Variants in MTAP observed in about 807,000 individuals in gnomAD.
MTAP encodes the protein S-methyl-5'-thioadenosine phosphorylase.
In MTAP, 33 loss-of-function variants were observed where a neutral mutation model predicts 33.6. That is an observed-to-expected ratio of 0.98 (90% CI 0.74 to 1.31). The LOEUF (loss-of-function observed/expected upper bound fraction) is 1.31. Among genes scored for constraint, MTAP ranks in the 40% most tolerant of loss-of-function variants. The pLI is 0.00. For missense variants in MTAP, 367 were observed against 360.0 expected (o/e 1.02, Z -0.16); for synonymous variants, 148 against 125.7 (o/e 1.18, Z -1.19).
chr9:21,830,988 G>A (rs189455250), intron 4 of MTAP, among the ~76,000 whole-genome samples: 3 of 152,290 alleles, frequency 2.0e-5, no homozygotes, highest in East Asian at 1.9e-4. Flanking sequence ...AAGCAAGACT[G>A]TTTCCCTGCC....
chr9:21,884,282 G>A (rs1251386916), intron 1 of MTAP, among the ~76,000 whole-genome samples: 2 of 152,100 alleles, frequency 1.3e-5, no homozygotes, highest in African/African-American at 4.8e-5. Flanking sequence ...GGTCATAGAC[G>A]TTTTGTTTTA....
At chr9:21,924,857 T>C (rs1392316753) in intron 1 of MTAP, among the ~76,000 whole-genome samples, 1 of 152,216 alleles carries the variant, frequency 6.6e-6, no homozygotes, top group African/African-American at 2.4e-5. Context: ...AAAACAGAAC[T>C]AGGGAAGTTT....
At chr9:21,904,506 T>C (rs1431777154) in intron 1 of MTAP, among the ~76,000 whole-genome samples, 1 of 152,172 alleles carries the variant, frequency 6.6e-6, no homozygotes, top group East Asian at 1.9e-4. Flanking sequence ...ACCACTTCTC[T>C]GCTGGTCGTA....
In MTAP at chr9:21,864,157, A is replaced by G; in HGVS notation, c.*2143A>G. ...ACAGTTCTCTCCAACTTGCAGAGGT[A>G]CTTTTCTTGATTAAATAGCCTTCTC... is the stretch of plus-strand genomic sequence containing the variant. On this transcript the variant is annotated 3_prime_UTR_variant, in exon 8 of 8. Transcript: ENST00000644715. 1.0e-6 allele frequency: 1 copy of G among 985,428 alleles called. No individual in the cohort carries two copies. The highest frequency in any genetic ancestry group is 1.2e-6 in the Non-Finnish European group (1 of 829,936). 61.0% of individuals were successfully genotyped at this position (985,428 alleles called of 1,614,324 possible).
At chr9:21,861,942 A>T (rs1292611197) in intron 7 of MTAP, 34 bp from the exon 8 acceptor site, 1 of 1,222,974 alleles carries the variant, frequency 8.2e-7, no homozygotes, top group South Asian at 1.2e-5. Context: ...TTACGCCAAC[A>T]TGTGAATATC....
chr9:21,876,136 T>C lies in MTAP; in HGVS notation c.147+21266T>C, dbSNP rs116489284. On this transcript the variant is annotated intron_variant, in intron 1 of 1. Transcript: ENST00000577563. ...TCGAATGATCAGTGATATCACGCTT[T>C]TTTAAAGTATGATTGTTGGCCACAT... Among the ~76,000 whole-genome samples, 757 of 152,350 alleles carry C rather than the reference T, an allele frequency of 5.0e-3. 3 individuals are homozygous for C. The highest frequency in any genetic ancestry group is 0.017 in the African/African-American group (722 of 41,584).
chr9:21,849,264 A>G (rs2118451453), intron 5 of MTAP, among the ~76,000 whole-genome samples: 1 of 152,270 alleles, frequency 6.6e-6, no homozygotes, highest in African/African-American at 2.4e-5. Flanking sequence ...CCGACCTTTT[A>G]CCAGGGTAAC....
chr9:21,825,846 A>G (rs926632594), intron 4 of MTAP, among the ~76,000 whole-genome samples: 1 of 152,130 alleles, frequency 6.6e-6, no homozygotes, highest in Non-Finnish European at 1.5e-5. Context: ...TTCAGGTGTG[A>G]GGTGATATCT....
At chr9:21,815,338 G>A (rs1161643733) in intron 1 of MTAP, 95 bp from the exon 2 acceptor site, 1 of 779,970 alleles carries the variant, frequency 1.3e-6, no homozygotes, top group African/African-American at 1.8e-5. Flanking sequence ...TGGCAGGAAT[G>A]GAGAAGAGCA....
chr9:21,875,700 A>G (rs1046296437), intron 1 of MTAP, among the ~76,000 whole-genome samples: 3 of 152,102 alleles, frequency 2.0e-5, no homozygotes, highest in Non-Finnish European at 4.4e-5. Context: ...AGCTCCATCT[A>G]TGTTCCAACA....
In MTAP at chr9:21,897,749, A is replaced by G. The variant is rs929720302; in HGVS notation, c.148-33259A>G. On this transcript the variant is annotated intron_variant, in intron 1 of 1. Coordinates refer to the MTAP transcript ENST00000577563. ...ATAAAAGAGGACACAAACAAATAGA[A>G]GAACATTTCATGCTCATGGATAGGA... 3.3e-5 allele frequency among the ~76,000 whole-genome samples: 5 copies of G among 152,370 alleles called. No homozygotes were observed. In the East Asian group the frequency reaches 9.6e-4, roughly 29 times the overall value.
At chr9:21,808,639 C>T (rs553279883) in intron 1 of MTAP, among the ~76,000 whole-genome samples, 1 of 150,924 alleles carries the variant, frequency 6.6e-6, no homozygotes, top group Non-Finnish European at 1.5e-5. Flanking sequence ...TATTCTCTTA[C>T]AGTTCTGGAG....
At chr9:21,919,874 G>T (rs1274572432) in intron 1 of MTAP, among the ~76,000 whole-genome samples, 1 of 152,134 alleles carries the variant, frequency 6.6e-6, no homozygotes, top group Non-Finnish European at 1.5e-5. Context: ...GTGGCTTGCT[G>T]CCAGCACTCA....
chr9:21,826,108 G>A (rs1563835987), intron 4 of MTAP, among the ~76,000 whole-genome samples: 4 of 151,280 alleles, frequency 2.6e-5, no homozygotes. Flanking sequence ...TATATTATGG[G>A]AATTTTTAAA....
chr9:21,913,359 C>T lies in MTAP; in HGVS notation c.148-17649C>T, dbSNP rs528558086. On this transcript the variant is annotated intron_variant, in intron 1 of 1. Coordinates refer to the MTAP transcript ENST00000577563. The stretch of plus-strand genomic sequence containing the variant: ...CAAAAGAACAAAGCTGGAGGCATCA[C>T]GCTACCTGACTTCAAACTATATTAC... Among the ~76,000 whole-genome samples, 45 of 152,260 alleles carry T rather than the reference C, an allele frequency of 3.0e-4. No homozygotes were observed. In the East Asian group the frequency reaches 6.0e-3, roughly 20 times the overall value.
intron 6 of MTAP, 106 bp downstream of exon 6, chr9:21,854,976 A>C: frequency 3.5e-6 from 5 of 1,447,400 alleles, no homozygotes; most frequent in Non-Finnish European, 4.6e-6. Context: ...GTGCCTTTCT[A>C]CAAGGTTTTG....
downstream of MTAP, among the ~76,000 whole-genome samples, chr9:21,939,755 C>T (rs893896472): frequency 1.4e-4 from 21 of 151,936 alleles, no homozygotes; most frequent in East Asian, 1.5e-3. Flanking sequence ...TGGTGGTGCA[C>T]GCTTGTAATC....
chr9:21,818,165 C>T lies in MTAP; in HGVS notation c.310C>T (p.Pro104Ser), dbSNP rs1390336778. Residue 104 changes from proline to serine, a missense_variant, in exon 4 of 8, where the codon CCC (proline) becomes TCC (serine). Pro to Ser is a moderately conservative substitution (Grantham distance 74). Coordinates refer to ENST00000644715, the MANE Select transcript of MTAP (RefSeq NM_002451.4). ...TGGCTCCTTGAGGGAGGAGATTCAG[C>T]CCGGCGATATTGTCATTATTGATCA... Reference protein sequence around the residue: ...ACGSLREEIQPGDIVIIDQFI... With the variant: ...ACGSLREEIQSGDIVIIDQFI... 6.2e-7 allele frequency: 1 copy of T among 1,613,762 alleles called. No homozygotes were observed. The highest frequency in any genetic ancestry group is 1.3e-5 in the African/African-American group (1 of 74,842).
rs79913997 is a variant in MTAP, at chr9:21,872,319, A to G, written c.147+17449A>G. On this transcript the variant is annotated intron_variant, in intron 1 of 1. Transcript: ENST00000577563. The stretch of plus-strand genomic sequence containing the variant: ...GGCAATAGAGAAAAACTCCATCTCA[A>G]AACAAACAACCACCAAAAACTGTCT... 5.8e-3 allele frequency among the ~76,000 whole-genome samples: 883 copies of G among 152,316 alleles called. 17 individuals are homozygous for G. Among genetic ancestry groups the G allele is most frequent in the East Asian group, 0.055 (286 of 5,176 alleles).
Sources: allele counts gnomAD v4.1 joint callset (sites outside exome capture counted in the v4.1 genomes callset), GRCh38; gene constraint gnomAD v4.1.1; transcripts MANE v1.5; gene names NCBI Gene and HGNC (gene_info 2026-07-23, HGNC 2026-07-21).